Variants in CFAP20DC observed in about 807,000 individuals in gnomAD.
CFAP20DC encodes the protein protein CFAP20DC.
CFAP20DC carries 84 observed loss-of-function variants against 101.7 expected under a neutral mutation model. The observed-to-expected ratio is 0.83, with a 90% CI of 0.69 to 0.99. The LOEUF is 0.99. Among genes scored for constraint, CFAP20DC ranks in the 50% least tolerant of loss-of-function variants. The probability of loss-of-function intolerance (pLI) is 0.00; values close to 1 mark genes in which losing one functional copy is unlikely to be tolerated. For missense variants in CFAP20DC, 1,007 were observed against 970.3 expected (o/e 1.04, Z -0.50); for synonymous variants, 359 against 351.2 (o/e 1.02, Z -0.25).
intron 2 of CFAP20DC, 80 bp downstream of exon 2, chr3:59,047,085 A>T (rs1045552263): frequency 1.1e-6 from 1 of 935,806 alleles, no homozygotes; most frequent in African/African-American, 1.7e-5. Flanking sequence ...CAGCTCTGAA[A>T]TTTGATCACG....
At chr3:58,862,298 T>A (rs966689673) in intron 12 of CFAP20DC, 1 of 985,272 alleles carries the variant, frequency 1.0e-6, no homozygotes, top group Admixed American at 6.1e-5. Flanking sequence ...ATGGAAGGAT[T>A]ATCAGCTGGG....
chr3:58,921,876 T>C (rs532474613), intron 5 of CFAP20DC, among the ~76,000 whole-genome samples: 1 of 152,340 alleles, frequency 6.6e-6, no homozygotes, highest in South Asian at 2.1e-4. Context: ...TTTTGAAGCT[T>C]TGTTATTAGA....
intron 3 of CFAP20DC, among the ~76,000 whole-genome samples, chr3:58,735,857 G>A (rs2067741635): frequency 6.6e-6 from 1 of 152,164 alleles, no homozygotes; most frequent in South Asian, 2.1e-4. Context: ...CATTACCAGT[G>A]ATAATGTATT....
intron 4 of CFAP20DC, among the ~76,000 whole-genome samples, chr3:59,003,126 A>C (rs1450002094): frequency 1.3e-5 from 2 of 152,238 alleles, no homozygotes; most frequent in Admixed American, 6.5e-5. Flanking sequence ...AAAGGCTTTA[A>C]AAATTATGAA....
chr3:59,033,533 C>T (rs1454437327), intron 4 of CFAP20DC, among the ~76,000 whole-genome samples: 1 of 152,008 alleles, frequency 6.6e-6, no homozygotes, highest in Admixed American at 6.6e-5. Flanking sequence ...AAAAACACAG[C>T]ACAAGAATTT....
At chr3:59,030,263 C>A (rs2093965154) in intron 4 of CFAP20DC, among the ~76,000 whole-genome samples, 1 of 152,128 alleles carries the variant, frequency 6.6e-6, no homozygotes, top group South Asian at 2.1e-4. Context: ...GAAAGAAAGC[C>A]CTTTCATTTA....
chr3:58,810,864 T>C (rs1452003971), intron 14 of CFAP20DC, among the ~76,000 whole-genome samples: 1 of 151,750 alleles, frequency 6.6e-6, no homozygotes, highest in Non-Finnish European at 1.5e-5. Flanking sequence ...AGTCTCAGGA[T>C]ACAAAATCAA....
At chr3:58,866,731 A>C (rs983528050) in intron 10 of CFAP20DC, 43 bp from the exon 11 acceptor site, 1 of 1,304,260 alleles carries the variant, frequency 7.7e-7, no homozygotes, top group African/African-American at 1.5e-5. Context: ...TTCTTTTGAA[A>C]TTTATAAAAA....
chr3:58,722,437 A>G lies in CFAP20DC; in HGVS notation c.198-4809T>C, dbSNP rs921066474. ...GGAGCCATGATAGGCAATTTTGCCC[A>G]GAGCAGCAGGGTGGCAACTGAGTCG... On this transcript the variant is annotated intron_variant, in intron 3 of 3. Coordinates refer to the CFAP20DC transcript ENST00000486145. This position sits in a 1 kb window ranked among gnomAD's most constrained non-coding sequence, Gnocchi z 4.5. Among the ~76,000 whole-genome samples, 1 of 152,222 alleles carries G rather than the reference A, an allele frequency of 6.6e-6. No individual in the cohort carries two copies. The highest frequency in any genetic ancestry group is 1.5e-5 in the Non-Finnish European group (1 of 68,034).
In CFAP20DC at chr3:58,728,190, T is replaced by A. The variant is rs2067582859; in HGVS notation, c.198-10562A>T. 6.6e-6 allele frequency: 1 copy of A among 152,250 alleles called. No individual in the cohort carries two copies. Among genetic ancestry groups the A allele is most frequent in the African/African-American group, 2.4e-5 (1 of 41,476 alleles). The allele number at this position is 152,250 out of a possible 1,614,324, so 9.4% of individuals were successfully genotyped here. ...ATTAAACTGTAAAGACCACTGATTA[T>A]TCTGGTAAGTGGGCTAAGTCTATAG... On this transcript the variant is annotated intron_variant, in intron 3 of 3. Coordinates refer to the CFAP20DC transcript ENST00000486145. This position sits in a 1 kb window ranked among gnomAD's most constrained non-coding sequence, Gnocchi z 4.7.
At chr3:58,845,963 AC>A (rs1341320940) in intron 13 of CFAP20DC, among the ~76,000 whole-genome samples, 3 of 150,680 alleles carry the variant, frequency 2.0e-5, no homozygotes, top group Admixed American at 1.3e-4. Flanking sequence ...AAATTCAACA[AC>A]CCTTCATGCT....
chr3:58,891,101 C>T (rs1258822341), intron 6 of CFAP20DC, among the ~76,000 whole-genome samples: 26 of 149,050 alleles, frequency 1.7e-4, no homozygotes, highest in African/African-American at 5.4e-4. Context: ...TGTAGTGAGC[C>T]GAGATCACGC....
rs373447840 is a variant in CFAP20DC at position 58,749,945 on chromosome 3, T to C, written c.2332+3824A>G. ...TAAGTGTTAAGGGCACCATGTCCGATAGTAATTGATATTCAGCAAGTGTGT... is the reference window on the plus strand; with the variant it reads ...TAAGTGTTAAGGGCACCATGTCCGACAGTAATTGATATTCAGCAAGTGTGT... On this transcript the variant is annotated intron_variant, in intron 16 of 16. Transcript: ENST00000482387. 4.6e-5 allele frequency among the ~76,000 whole-genome samples: 7 copies of C among 152,324 alleles called. No individual in the cohort carries two copies. In the East Asian group the frequency reaches 7.7e-4, roughly 17 times the overall value.
chr3:58,934,299 G>C (rs185321874), intron 5 of CFAP20DC, among the ~76,000 whole-genome samples: 15 of 152,192 alleles, frequency 9.9e-5, no homozygotes, highest in Admixed American at 2.0e-4. Flanking sequence ...TAACGAAAAA[G>C]AGTCCAGGAC....
intron 13 of CFAP20DC, among the ~76,000 whole-genome samples, chr3:58,845,441 C>T (rs2077543944): frequency 1.3e-5 from 2 of 151,402 alleles, no homozygotes; most frequent in Admixed American, 1.3e-4. Flanking sequence ...TGGACACATA[C>T]ACTCTCCCAA....
chr3:58,852,951 G>A (rs1394606290), intron 12 of CFAP20DC, among the ~76,000 whole-genome samples: 18 of 152,046 alleles, frequency 1.2e-4, no homozygotes, highest in South Asian at 2.1e-4. Flanking sequence ...AAACACATAC[G>A]AAAGCTAGCA....
chr3:58,842,802 G>A (rs1341074328), intron 13 of CFAP20DC, among the ~76,000 whole-genome samples: 4 of 152,184 alleles, frequency 2.6e-5, no homozygotes, highest in African/African-American at 9.7e-5. Context: ...CTCCCAGCAC[G>A]CAGCTGGAGA....
intron 15 of CFAP20DC, among the ~76,000 whole-genome samples, chr3:58,789,776 CT>C (rs2072695379): frequency 6.6e-6 from 1 of 152,060 alleles, no homozygotes; most frequent in South Asian, 2.1e-4. Context: ...AATAAAAACT[CT>C]TTTGTTGATT....
rs2084216896 is a variant in CFAP20DC, at chr3:58,912,117, GC to G, written c.550+1590del. On this transcript the variant is annotated intron_variant, in intron 6 of 16. Coordinates refer to ENST00000482387, the MANE Select transcript of CFAP20DC (RefSeq NM_001394063.1). The surrounding 1 kb of genome is among the most constrained non-coding windows in gnomAD (Gnocchi z 4.4). ...ATATTCTTTATTCTGGTGGATTTAT[GC>G]CTTTTTTATTCCTATATAGTAATTT... 6.6e-6 allele frequency among the ~76,000 whole-genome samples: 1 copy of G among 152,172 alleles called. No individual in the cohort carries two copies. The highest frequency in any genetic ancestry group is 2.1e-4 in the South Asian group (1 of 4,826).
Sources: gnomAD v4.1 joint callset for allele counts (sites outside exome capture counted in the v4.1 genomes callset) on GRCh38, gnomAD v4.1.1 for gene constraint, Gnocchi (gnomAD v3.1) non-coding constraint, MANE v1.5 for transcripts, NCBI Gene and HGNC (gene_info 2026-07-23, HGNC 2026-07-21) for gene names.